The following EPB41L4A variants were observed in gnomAD, a reference collection of about 807,000 sequenced individuals.
The protein encoded by EPB41L4A is erythrocyte membrane protein band 4.1 like 4A.
In EPB41L4A, 100 loss-of-function variants were observed where a neutral mutation model predicts 108.6. The ratio of observed to expected loss-of-function variants is 0.92; its 90% CI spans 0.78 to 1.09. The LOEUF (loss-of-function observed/expected upper bound fraction) is 1.09. Among genes scored for constraint, EPB41L4A ranks in the 50% least tolerant of loss-of-function variants. The probability of loss-of-function intolerance (pLI) is 0.00; values close to 1 mark genes in which losing one functional copy is unlikely to be tolerated. For synonymous variants in EPB41L4A, 319 were observed against 289.0 expected (o/e 1.10, Z -1.05); for missense variants, 1,030 against 842.7 (o/e 1.22, Z -2.75).
chr5:112,239,941 A>T (rs1434556775), intron 10 of EPB41L4A, among the ~76,000 whole-genome samples: 1 of 152,232 alleles, frequency 6.6e-6, no homozygotes, highest in Non-Finnish European at 1.5e-5. Context: ...ACCAAAAAAT[A>T]AAGCTTAATG....
chr5:112,239,388 A>G (rs778704732), intron 11 of EPB41L4A, among the ~76,000 whole-genome samples: 2 of 152,228 alleles, frequency 1.3e-5, no homozygotes, highest in African/African-American at 4.8e-5. Flanking sequence ...ATTAAAAATA[A>G]GTGATAACTG....
rs1033976019 is a variant in EPB41L4A, at chr5:112,298,345, T to C, written c.204+9041A>G. Among the ~76,000 whole-genome samples, 45 of 152,192 alleles carry C rather than the reference T, an allele frequency of 3.0e-4. 1 individual carries two copies. The highest frequency in any genetic ancestry group is 1.0e-3 in the African/African-American group (43 of 41,454). The stretch of plus-strand genomic sequence containing the variant: ...TTTGTCATAGATGGCTTTTATTACA[T>C]TGAGGTATGTCCCTCGTATGCCAAT... On this transcript the variant is annotated intron_variant, in intron 2 of 22. Coordinates refer to ENST00000261486, the MANE Select transcript of EPB41L4A (RefSeq NM_022140.5).
intron 17 of EPB41L4A, among the ~76,000 whole-genome samples, chr5:112,186,742 G>C (rs1332912467): frequency 6.6e-6 from 1 of 152,168 alleles, no homozygotes; most frequent in Admixed American, 6.5e-5. Flanking sequence ...CCTTACAAAA[G>C]ACCTCTAGTT....
chr5:112,379,395 T>C (rs1217464017), intron 1 of EPB41L4A, among the ~76,000 whole-genome samples: 1 of 151,940 alleles, frequency 6.6e-6, no homozygotes, highest in Non-Finnish European at 1.5e-5. Context: ...CTTTTGAAAA[T>C]AAGAGTAGAG....
chr5:112,336,003 G>A (rs1756890580), intron 1 of EPB41L4A, among the ~76,000 whole-genome samples: 1 of 151,882 alleles, frequency 6.6e-6, no homozygotes, highest in Non-Finnish European at 1.5e-5. Flanking sequence ...ACCCTCACAC[G>A]CCCTCAAAGT....
intron 1 of EPB41L4A, among the ~76,000 whole-genome samples, chr5:112,329,997 A>G (rs1367671891): frequency 6.6e-6 from 1 of 152,190 alleles, no homozygotes; most frequent in Non-Finnish European, 1.5e-5. Flanking sequence ...CAAATTAATA[A>G]TATCTGCCCA....
rs546568352 is a variant in EPB41L4A, at chr5:112,214,502, G to A, written c.1088-4520C>T. ...AGGGCAGCCGGGCGCGGCGGCTCAC[G>A]CCTGTAATCCCAGCACTTTGGGAGG... On this transcript the variant is annotated intron_variant, in intron 12 of 22. Transcript: ENST00000261486. Among the ~76,000 whole-genome samples, 1,145 of 151,800 alleles carry A rather than the reference G, an allele frequency of 7.5e-3. 11 individuals carry two copies. The highest frequency in any genetic ancestry group is 0.012 in the Non-Finnish European group (815 of 67,916).
intron 12 of EPB41L4A, among the ~76,000 whole-genome samples, chr5:112,216,944 A>T (rs962908145): frequency 6.6e-6 from 1 of 152,308 alleles, no homozygotes; most frequent in South Asian, 2.1e-4. Flanking sequence ...AATATTCAAG[A>T]AAACCTTATA....
intron 9 of EPB41L4A, chr5:112,256,774 T>G (rs1348624534): frequency 6.6e-6 from 1 of 152,142 alleles, no homozygotes; most frequent in East Asian, 1.9e-4. Flanking sequence ...ACTGATAGGG[T>G]GAAATCTAGA....
intron 1 of EPB41L4A, among the ~76,000 whole-genome samples, chr5:112,316,594 A>G (rs1412314320): frequency 6.6e-6 from 1 of 152,178 alleles, no homozygotes; most frequent in Non-Finnish European, 1.5e-5. Flanking sequence ...TTAAAAAATG[A>G]GTAAAATGTA....
intron 18 of EPB41L4A, among the ~76,000 whole-genome samples, chr5:112,173,966 C>A (rs926891268): frequency 6.6e-6 from 1 of 152,070 alleles, no homozygotes; most frequent in African/African-American, 2.4e-5. Flanking sequence ...TTAATCTGAA[C>A]GAGATCATCA....
intron 1 of EPB41L4A, among the ~76,000 whole-genome samples, chr5:112,383,331 GAAAT>G (rs1760290448): frequency 6.6e-6 from 1 of 152,126 alleles, no homozygotes. Flanking sequence ...TTAAAAGAAT[GAAAT>G]AAAAATAGCA....
intron 2 of EPB41L4A, among the ~76,000 whole-genome samples, chr5:112,306,057 T>TA (rs1208860445): frequency 6.6e-6 from 1 of 152,178 alleles, no homozygotes; most frequent in Non-Finnish European, 1.5e-5. Flanking sequence ...AGGGGGAAGA[T>TA]AGAGACCGAC....
At chr5:112,238,640 G>A (rs988627345) in intron 11 of EPB41L4A, among the ~76,000 whole-genome samples, 11 of 152,102 alleles carry the variant, frequency 7.2e-5, no homozygotes, top group Non-Finnish European at 1.5e-4. Context: ...GTCTCCAATG[G>A]AACTGACAAA....
chr5:112,398,927 C>T (rs1320746932), intron 1 of EPB41L4A, among the ~76,000 whole-genome samples: 1 of 137,318 alleles, frequency 7.3e-6, no homozygotes, highest in Non-Finnish European at 1.5e-5. Flanking sequence ...GGAGTCTATC[C>T]TAGAAAAAAA....
intron 13 of EPB41L4A, among the ~76,000 whole-genome samples, chr5:112,209,175 T>G (rs1036778116): frequency 3.9e-5 from 6 of 152,244 alleles, no homozygotes; most frequent in African/African-American, 1.4e-4. Flanking sequence ...TATCTCTGAT[T>G]GCTGGGATTT....
At position 112,331,923 on chromosome 5, in the gene EPB41L4A, C is replaced by T. The variant is rs6886398; in HGVS notation, c.100-24433G>A. On this transcript the variant is annotated intron_variant, in intron 1 of 22. Transcript: ENST00000261486. ...TGCTAATCCCTGACCTTTCACCCTG[C>T]GCTGTCCAAGTGACTCCCAAGAACA... 4.3e-3 allele frequency among the ~76,000 whole-genome samples: 655 copies of T among 152,320 alleles called. 7 individuals carry two copies. Among genetic ancestry groups the T allele is most frequent in the African/African-American group, 0.015 (622 of 41,568 alleles).
intron 1 of EPB41L4A, among the ~76,000 whole-genome samples, chr5:112,398,228 T>C (rs1580830302): frequency 6.6e-6 from 1 of 152,332 alleles, no homozygotes; most frequent in East Asian, 1.9e-4. Context: ...CTTTTTCCAA[T>C]GTCAGAAAAC....
chr5:112,286,154 C>A (rs776449868), intron 2 of EPB41L4A, among the ~76,000 whole-genome samples: 7 of 152,026 alleles, frequency 4.6e-5, no homozygotes, highest in Non-Finnish European at 7.4e-5. Context: ...TTGTCCCTCG[C>A]TGATGCCCCC....
Sources: gnomAD v4.1 joint callset for allele counts (sites outside exome capture counted in the v4.1 genomes callset) on GRCh38, gnomAD v4.1.1 for gene constraint, MANE v1.5 for transcripts, NCBI Gene and HGNC (gene_info 2026-07-23, HGNC 2026-07-21) for gene names.